TRAPPC9: variants seen among roughly 807,000 people sequenced by gnomAD.
TRAPPC9 encodes the protein IKK2 binding protein.
TRAPPC9 carries 83 observed loss-of-function variants against 124.0 expected under a neutral mutation model. The observed-to-expected ratio is 0.67, with a 90% CI of 0.56 to 0.80. The LOEUF is 0.80. Ranked by LOEUF, TRAPPC9 falls within the 30% of genes least tolerant of loss-of-function variation. The probability of loss-of-function intolerance (pLI) is 0.00; values close to 1 mark genes in which losing one functional copy is unlikely to be tolerated. For synonymous variants in TRAPPC9, 638 were observed against 617.5 expected, an observed-to-expected ratio of 1.03 and a Z score of -0.49; for missense variants, 1,302 against 1,508.3, an observed-to-expected ratio of 0.86 and a Z score of 2.27.
chr8:140,247,631 C>T (rs756118170), intron 16 of TRAPPC9, among the ~76,000 whole-genome samples: 13 of 151,464 alleles, frequency 8.6e-5, no homozygotes, highest in Admixed American at 2.6e-4. Context: ...CCATTGTTTC[C>T]GTTTCCTTCT....
At chr8:139,838,088 C>G (rs1346281855) in intron 21 of TRAPPC9, among the ~76,000 whole-genome samples, 1 of 152,200 alleles carries the variant, frequency 6.6e-6, no homozygotes, top group Non-Finnish European at 1.5e-5. Flanking sequence ...CAGGACTCTT[C>G]TCTCTCTTTG....
chr8:140,036,419 C>T (rs1392040607), intron 17 of TRAPPC9, among the ~76,000 whole-genome samples: 2 of 151,896 alleles, frequency 1.3e-5, no homozygotes, highest in African/African-American at 2.4e-5. Context: ...CAGAGCTGAC[C>T]GACGGTACGC....
chr8:140,172,287 C>T (rs1036145350), intron 17 of TRAPPC9, among the ~76,000 whole-genome samples: 24 of 151,958 alleles, frequency 1.6e-4, no homozygotes, highest in African/African-American at 5.8e-4. Flanking sequence ...AGGATGGTAT[C>T]GGATTGAAAA....
intron 2 of TRAPPC9, among the ~76,000 whole-genome samples, chr8:140,440,753 T>G (rs1254630992): frequency 6.6e-6 from 1 of 151,862 alleles, no homozygotes; most frequent in East Asian, 1.9e-4. Context: ...AGCTAGCCCC[T>G]CCCACGGCTC....
intron 17 of TRAPPC9, among the ~76,000 whole-genome samples, chr8:140,103,161 G>A (rs1414706309): frequency 6.6e-6 from 1 of 152,194 alleles, no homozygotes; most frequent in Non-Finnish European, 1.5e-5. Context: ...CTCATACTCA[G>A]CCTGAGACAC....
intron 19 of TRAPPC9, among the ~76,000 whole-genome samples, chr8:139,950,674 C>T (rs2131503351): frequency 6.6e-6 from 1 of 152,342 alleles, no homozygotes; most frequent in Admixed American, 6.5e-5. Context: ...TAGAATGCTA[C>T]AGGTATGAAT....
Position 140,357,711 on chromosome 8 carries a change from C to T in TRAPPC9, c.1495+2339G>A, listed in dbSNP as rs560840592. On this transcript the variant is annotated intron_variant, in intron 9 of 22. Coordinates refer to ENST00000438773, the MANE Select transcript of TRAPPC9 (RefSeq NM_001160372.4). ...GCCACAGTCACCCCAGCAGGAGACA[C>T]GGGTGGCTCTGGGAGCTCTGCCTCG... is the stretch of plus-strand genomic sequence containing the variant. Among the ~76,000 whole-genome samples the T allele has an allele frequency of 2.2e-4, 33 of 152,270 alleles. No homozygotes were observed. In the East Asian group the frequency reaches 4.8e-3, roughly 22 times the overall value.
chr8:140,135,977 A>C (rs1421807497), intron 17 of TRAPPC9, among the ~76,000 whole-genome samples: 3 of 152,222 alleles, frequency 2.0e-5, no homozygotes, highest in African/African-American at 7.2e-5. Flanking sequence ...GATAAAACAA[A>C]AGTGACAAAT....
At chr8:140,307,269 C>A (rs749307487) in intron 10 of TRAPPC9, among the ~76,000 whole-genome samples, 1 of 152,156 alleles carries the variant, frequency 6.6e-6, no homozygotes, top group Non-Finnish European at 1.5e-5. Context: ...AACACTGCAG[C>A]GGACAGAGCT....
chr8:140,105,522 C>T (rs1455265502), intron 17 of TRAPPC9, among the ~76,000 whole-genome samples: 4 of 152,312 alleles, frequency 2.6e-5, no homozygotes, highest in South Asian at 2.1e-4. Context: ...GAAAGCAGAG[C>T]GCCATGTGTA....
chr8:140,320,301 A>C lies in TRAPPC9; in HGVS notation c.1496-8927T>G, dbSNP rs113113313. Among the ~76,000 whole-genome samples the C allele has an allele frequency of 4.1e-3, 620 of 152,366 alleles. 8 individuals are homozygous for C. Among genetic ancestry groups the C allele is most frequent in the African/African-American group, 0.014 (597 of 41,584 alleles). ...CCTGGTGTCTACATAAGTGGAAAAC[A>C]AAACAAAAGGAAAAGATGGAGCTGA... On this transcript the variant is annotated intron_variant, in intron 9 of 22. Transcript: ENST00000438773.
At chr8:139,871,606 T>C (rs992901303) in intron 21 of TRAPPC9, among the ~76,000 whole-genome samples, 1 of 152,200 alleles carries the variant, frequency 6.6e-6, no homozygotes, top group African/African-American at 2.4e-5. Context: ...CCCACAGGAA[T>C]AGACGACTGC....
At chr8:139,878,404 T>C (rs1232302597) in intron 21 of TRAPPC9, among the ~76,000 whole-genome samples, 2 of 152,206 alleles carry the variant, frequency 1.3e-5, no homozygotes, top group Non-Finnish European at 2.9e-5. Context: ...GTTTTCTGAT[T>C]GTCTCTCATC....
At chr8:139,810,767 G>C (rs181484564) in intron 21 of TRAPPC9, among the ~76,000 whole-genome samples, 78 of 152,264 alleles carry the variant, frequency 5.1e-4, no homozygotes, top group African/African-American at 1.6e-3. Flanking sequence ...AATGCTGGCA[G>C]TGAGATCCAT....
chr8:139,981,117 C>T (rs1836863227), intron 19 of TRAPPC9, among the ~76,000 whole-genome samples: 1 of 152,202 alleles, frequency 6.6e-6, no homozygotes. Context: ...CGTTCCTTCC[C>T]TCTGCCTATT....
At chr8:139,927,298 G>A (rs112098792) in intron 19 of TRAPPC9, among the ~76,000 whole-genome samples, 2,478 of 152,016 alleles carry the variant, frequency 0.016, 78 homozygotes, top group African/African-American at 0.056. Flanking sequence ...AAGCTGGAAT[G>A]TGGTGGCACA....
chr8:140,223,655 G>A (rs978567368), intron 16 of TRAPPC9, among the ~76,000 whole-genome samples: 4 of 151,734 alleles, frequency 2.6e-5, no homozygotes, highest in Non-Finnish European at 4.4e-5. Context: ...TTCCAAATTC[G>A]CAATAACTTA....
At chr8:140,377,035 A>C (rs1395396720) in intron 7 of TRAPPC9, among the ~76,000 whole-genome samples, 1 of 152,208 alleles carries the variant, frequency 6.6e-6, no homozygotes, top group African/African-American at 2.4e-5. Context: ...GTAAACAGTC[A>C]GTGCCCTTGT....
chr8:139,833,528 G>A, intron 21 of TRAPPC9, among the ~76,000 whole-genome samples: 1 of 152,226 alleles, frequency 6.6e-6, no homozygotes, highest in East Asian at 1.9e-4. Flanking sequence ...TTCAGAGGTT[G>A]GCAGGGCAAA....
Sources: gnomAD v4.1 joint callset for allele counts (sites outside exome capture counted in the v4.1 genomes callset) on GRCh38, gnomAD v4.1.1 for gene constraint, MANE v1.5 for transcripts, NCBI Gene and HGNC (gene_info 2026-07-23, HGNC 2026-07-21) for gene names.